The following SYT1 variants were observed in gnomAD, a reference collection of about 807,000 sequenced individuals.
SYT1 encodes synaptotagmin-1.
In SYT1, 8 loss-of-function variants were observed where a neutral mutation model predicts 44.8. The observed-to-expected ratio is 0.18, with a 90% CI of 0.10 to 0.32. The LOEUF (loss-of-function observed/expected upper bound fraction) is 0.32, where lower values mean the gene tolerates loss of function less well. SYT1 is among the 10% of genes least tolerant of loss of function. The pLI is 1.00. For missense variants in SYT1, 286 were observed against 509.3 expected (o/e 0.56, Z 4.22); for synonymous variants, 154 against 188.8 (o/e 0.82, Z 1.51).
intron 1 of SYT1, among the ~76,000 whole-genome samples, chr12:78,894,794 G>A (rs1377084751): frequency 1.3e-5 from 2 of 151,414 alleles, no homozygotes; most frequent in African/African-American, 2.4e-5. Context: ...GTTGGTTAAC[G>A]GACACAAAAT....
At chr12:79,336,800 T>C (rs1303012739) in intron 8 of SYT1, among the ~76,000 whole-genome samples, 5 of 152,156 alleles carry the variant, frequency 3.3e-5, no homozygotes, top group Non-Finnish European at 7.3e-5. Context: ...GGGCCAATTA[T>C]TTATTTTTTA....
chr12:79,160,728 G>A (rs1165295875), intron 3 of SYT1, among the ~76,000 whole-genome samples: 1 of 152,066 alleles, frequency 6.6e-6, no homozygotes, highest in Non-Finnish European at 1.5e-5. Flanking sequence ...TTCTGGAGAT[G>A]GGGCAAATCT....
At chr12:79,305,938 C>G (rs1040769405) in intron 8 of SYT1, among the ~76,000 whole-genome samples, 9 of 152,144 alleles carry the variant, frequency 5.9e-5, no homozygotes, top group African/African-American at 1.9e-4. Flanking sequence ...CTCAAGTGAC[C>G]CACCCACCTC....
intron 9 of SYT1, among the ~76,000 whole-genome samples, chr12:79,387,276 A>G (rs1291918084): frequency 1.3e-5 from 2 of 152,190 alleles, no homozygotes; most frequent in African/African-American, 4.8e-5. Context: ...CAAGACAGCA[A>G]TGGCCCAGAA....
chr12:79,133,095 G>A lies in SYT1; in HGVS notation c.-17-84408G>A, dbSNP rs111541456. Among the ~76,000 whole-genome samples, 339 of 152,298 alleles carry A rather than the reference G, an allele frequency of 2.2e-3. 4 individuals carry two copies. Among genetic ancestry groups the A allele is most frequent in the Middle Eastern group, 0.017 (5 of 294 alleles). On this transcript the variant is annotated intron_variant, in intron 3 of 10. Transcript: ENST00000261205. Reference sequence around the variant, plus strand: ...ATAGTTACTAGAGGCTTGGAATGTGGTGGTCAGGGTGGGATGAAGAGAGGG... The same window carrying A: ...ATAGTTACTAGAGGCTTGGAATGTGATGGTCAGGGTGGGATGAAGAGAGGG...
intron 8 of SYT1, among the ~76,000 whole-genome samples, chr12:79,305,998 A>G (rs576662074): frequency 6.6e-6 from 1 of 152,238 alleles, no homozygotes; most frequent in Admixed American, 6.5e-5. Context: ...CACCTGGCCC[A>G]CACCATTTTC....
At chr12:79,410,527 A>C (rs1868376232) in intron 9 of SYT1, among the ~76,000 whole-genome samples, 1 of 149,124 alleles carries the variant, frequency 6.7e-6, no homozygotes, top group Admixed American at 6.7e-5. Context: ...AAAAAAAAAA[A>C]ACAGAACGAC....
At chr12:79,125,892 C>A (rs1012989916) in intron 3 of SYT1, among the ~76,000 whole-genome samples, 22 of 152,132 alleles carry the variant, frequency 1.4e-4, no homozygotes, top group African/African-American at 5.3e-4. Context: ...GCTCATCAAT[C>A]ACTACTTTCC....
intron 3 of SYT1, among the ~76,000 whole-genome samples, chr12:79,143,208 A>C (rs1469336173): frequency 6.6e-6 from 1 of 152,172 alleles, no homozygotes; most frequent in East Asian, 1.9e-4. Context: ...GAACAATGGT[A>C]CTAGTAAGCA....
chr12:78,926,200 T>G (rs1033344819), intron 1 of SYT1, among the ~76,000 whole-genome samples: 3 of 152,082 alleles, frequency 2.0e-5, no homozygotes, highest in Non-Finnish European at 4.4e-5. Flanking sequence ...AAGATAAGGT[T>G]TCTAGATTAA....
intron 9 of SYT1, among the ~76,000 whole-genome samples, chr12:79,380,080 A>C (rs1884153935): frequency 6.6e-6 from 1 of 152,150 alleles, no homozygotes; most frequent in South Asian, 2.1e-4. Flanking sequence ...GAATTGACGT[A>C]TTTTACTGAA....
intron 9 of SYT1, among the ~76,000 whole-genome samples, chr12:79,365,331 G>A (rs1001631394): frequency 1.9e-4 from 29 of 151,870 alleles, no homozygotes; most frequent in Non-Finnish European, 3.5e-4. Context: ...CCCTTTGTTC[G>A]AATGTATCAT....
At chr12:79,443,854 T>C (rs1199611355) in intron 9 of SYT1, among the ~76,000 whole-genome samples, 1 of 152,174 alleles carries the variant, frequency 6.6e-6, no homozygotes, top group East Asian at 1.9e-4. Flanking sequence ...ATACCTCTAC[T>C]CTCATCTTCT....
chr12:79,074,948 T>G (rs1328178666), intron 3 of SYT1, among the ~76,000 whole-genome samples: 1 of 152,126 alleles, frequency 6.6e-6, no homozygotes, highest in Admixed American at 6.6e-5. Flanking sequence ...AGTAGGAATA[T>G]AACCAAAAAA....
chr12:78,909,361 TA>T (rs1297009976), intron 1 of SYT1, among the ~76,000 whole-genome samples: 6 of 152,044 alleles, frequency 3.9e-5, no homozygotes, highest in African/African-American at 1.2e-4. Flanking sequence ...AAAAATAATT[TA>T]TTTTTTTTCT....
intron 4 of SYT1, among the ~76,000 whole-genome samples, chr12:79,231,505 A>G (rs904279078): frequency 1.3e-5 from 2 of 152,070 alleles, no homozygotes; most frequent in African/African-American, 4.8e-5. Flanking sequence ...AAAAAAAAAG[A>G]TAATAGTAGA....
intron 9 of SYT1, among the ~76,000 whole-genome samples, chr12:79,356,860 T>C (rs759237498): frequency 5.3e-5 from 8 of 152,212 alleles, no homozygotes; most frequent in Non-Finnish European, 1.2e-4. Flanking sequence ...ACTATTGTAG[T>C]CATTTCTATT....
intron 3 of SYT1, among the ~76,000 whole-genome samples, chr12:79,116,037 G>A (rs927635239): frequency 6.6e-6 from 1 of 152,144 alleles, no homozygotes; most frequent in Non-Finnish European, 1.5e-5. Context: ...TTGATACCTG[G>A]TTCTGTCACT....
chr12:79,096,983 A>G (rs1330119341), intron 3 of SYT1, among the ~76,000 whole-genome samples: 1 of 151,998 alleles, frequency 6.6e-6, no homozygotes, highest in Non-Finnish European at 1.5e-5. Flanking sequence ...GAAGAAGTAA[A>G]TGATAATTCC....
Sources: allele counts gnomAD v4.1 joint callset (sites outside exome capture counted in the v4.1 genomes callset), GRCh38; gene constraint gnomAD v4.1.1; transcripts MANE v1.5; gene names NCBI Gene and HGNC (gene_info 2026-07-23, HGNC 2026-07-21).